The following FERMT3 variants were observed in gnomAD, a reference collection of about 807,000 sequenced individuals.
FERMT3 encodes FERM domain containing kindlin 3.
FERMT3 carries 33 observed loss-of-function variants against 80.8 expected under a neutral mutation model. That is an observed-to-expected ratio of 0.41 (90% confidence interval 0.31 to 0.55). The LOEUF (loss-of-function observed/expected upper bound fraction) is 0.55. Ranked by LOEUF, FERMT3 falls within the 20% of genes least tolerant of loss-of-function variation. The pLI is 0.31. For synonymous variants in FERMT3, 375 were observed against 372.2 expected (o/e 1.01, Z -0.09); for missense variants, 754 against 908.7 (o/e 0.83, Z 2.19).
At chr11:64,208,784 T>A (rs1345482540) in intron 2 of FERMT3, among the ~76,000 whole-genome samples, 1 of 151,976 alleles carries the variant, frequency 6.6e-6, no homozygotes. Context: ...CTGGTGAGGA[T>A]GCTGGGAGCG....
At chr11:64,220,832 A>G in intron 12 of FERMT3, 163 bp downstream of exon 12, 2 of 1,314,900 alleles carry the variant, frequency 1.5e-6, no homozygotes, top group Non-Finnish European at 2.1e-6. Context: ...GGGAGGAGTC[A>G]CGGTCCAGGT....
chr11:64,220,864 T>C, intron 12 of FERMT3, 152 bp from the exon 13 acceptor site: 1 of 1,448,778 alleles, frequency 6.9e-7, no homozygotes, highest in Non-Finnish European at 9.5e-7. Context: ...CCTTGCAGCC[T>C]GGCGCAGTGC....
At chr11:64,216,930 CTTG>C (rs1462936087) in intron 6 of FERMT3, among the ~76,000 whole-genome samples, 1 of 151,400 alleles carries the variant, frequency 6.6e-6, no homozygotes, top group Non-Finnish European at 1.5e-5. Context: ...CTGTTTTATT[CTTG>C]TTGTCTTGGT....
intron 13 of FERMT3, 115 bp downstream of exon 13, chr11:64,221,255 C>T (rs1384276167): frequency 9.4e-7 from 1 of 1,067,744 alleles, no homozygotes; most frequent in African/African-American, 1.6e-5. Flanking sequence ...CAAAGACTCC[C>T]TTCCCTTGTT....
chr11:64,209,462 G>A (rs973732328), intron 2 of FERMT3, among the ~76,000 whole-genome samples: 9 of 152,196 alleles, frequency 5.9e-5, no homozygotes, highest in Non-Finnish European at 1.0e-4. Flanking sequence ...CGAGGCAGGA[G>A]AAGAGGGTCC....
In FERMT3 at chr11:64,210,595, C is replaced by T. The variant is rs78038516; in HGVS notation, c.161-16C>T. On this transcript the variant is annotated splice_polypyrimidine_tract_variant and intron_variant, in intron 2 of 14. Coordinates refer to ENST00000345728, the MANE Select transcript of FERMT3 (RefSeq NM_031471.6). This position sits in a 1 kb window ranked among gnomAD's most constrained non-coding sequence, Gnocchi z 4.3. ...GGGAGGAAGGTTGGACCCAGATGTG[C>T]CCCCGTGCCCCACAGATCGCAAGCA... The T allele has an allele frequency of 1.9e-6, 3 of 1,610,578 alleles. No individual in the cohort carries two copies. Among genetic ancestry groups the T allele is most frequent in the Non-Finnish European group, 1.7e-6 (2 of 1,177,184 alleles).
At chr11:64,209,332 G>A (rs867817438) in intron 2 of FERMT3, among the ~76,000 whole-genome samples, 2 of 152,232 alleles carry the variant, frequency 1.3e-5, no homozygotes, top group African/African-American at 2.4e-5. Context: ...TCAGCTGGCA[G>A]CACATGGGTT....
At chr11:64,215,308 C>G (rs1946526834) in intron 6 of FERMT3, among the ~76,000 whole-genome samples, 1 of 152,090 alleles carries the variant, frequency 6.6e-6, no homozygotes, top group South Asian at 2.1e-4. Context: ...AAGTTGAGTC[C>G]CTTTTCATAA....
chr11:64,216,572 G>A (rs1369761055), intron 6 of FERMT3, among the ~76,000 whole-genome samples: 3 of 148,488 alleles, frequency 2.0e-5, no homozygotes, highest in East Asian at 2.1e-4. Context: ...CAAGGAGGGC[G>A]GACCATGAGG....
At position 64,219,870 on chromosome 11, in the gene FERMT3, A is replaced by T. The variant is rs1448522908; in HGVS notation, c.1080-21A>T. ...GGGAGGGGGTGAGGCGGCCTTTCAC[A>T]AACCCCAGCATCCCACGAAGGCCCC... On this transcript the variant is annotated intron_variant, in intron 9 of 14. Transcript: ENST00000345728. This position sits in a 1 kb window ranked among gnomAD's most constrained non-coding sequence, Gnocchi z 4.0. 6.2e-7 allele frequency: 1 copy of T among 1,613,826 alleles called. No homozygotes were observed. The highest frequency in any genetic ancestry group is 1.1e-5 in the South Asian group (1 of 91,088).
In FERMT3 at chr11:64,219,596, C is replaced by A. The variant is rs1177180183; in HGVS notation, c.967C>A (p.Leu323Met). ...TGGCACAGACCCAGGGCTGGACGAC[C>A]TGGATGTGGCCCTGAGCAACCTGGA... is the stretch of plus-strand genomic sequence containing the variant. ...PAGTDPGLDD[L>M]DVALSNLEVK... The change falls in exon 8 of 15, where the codon CTG becomes ATG. Residue 323 changes from leucine (L) to methionine (M), a missense_variant. Coordinates refer to ENST00000345728, the MANE Select transcript of FERMT3 (RefSeq NM_031471.6). This position sits in a 1 kb window ranked among gnomAD's most constrained non-coding sequence, Gnocchi z 4.0. 6.2e-7 allele frequency: 1 copy of A among 1,612,772 alleles called. No homozygotes were observed. Among genetic ancestry groups the A allele is most frequent in the African/African-American group, 1.3e-5 (1 of 74,902 alleles).
At chr11:64,206,085 A>G (rs930783012), upstream of FERMT3, among the ~76,000 whole-genome samples, 4 of 152,078 alleles carry the variant, frequency 2.6e-5, no homozygotes, top group Non-Finnish European at 2.9e-5. Context: ...GGGGAGGCTC[A>G]TCCAAGTGGA....
At chr11:64,206,375 G>T (rs1195579310), upstream of FERMT3, among the ~76,000 whole-genome samples, 1 of 152,146 alleles carries the variant, frequency 6.6e-6, no homozygotes, top group African/African-American at 2.4e-5. Context: ...CTCTCCCTCC[G>T]GCAGCCCAGT....
chr11:64,206,426 T>A (rs1245832395), upstream of FERMT3, among the ~76,000 whole-genome samples: 1 of 152,192 alleles, frequency 6.6e-6, no homozygotes, highest in Non-Finnish European at 1.5e-5. Flanking sequence ...TGTGACAGGC[T>A]GAGGATGGCA....
At chr11:64,214,117 T>A (rs1438801389) in intron 6 of FERMT3, among the ~76,000 whole-genome samples, 1 of 152,066 alleles carries the variant, frequency 6.6e-6, no homozygotes. Context: ...ACAGAGTAAC[T>A]ATGATTATTT....
At position 64,211,695 on chromosome 11, in the gene FERMT3, A is replaced by G. The variant is rs745361817; in HGVS notation, c.734A>G (p.Asp245Gly). Residue 245 changes from aspartate (D) to glycine (G), a missense_variant, in exon 6 of 15, where the codon GAC becomes GGC. Asp to Gly is a moderately conservative substitution (Grantham distance 94). Coordinates refer to ENST00000345728, the MANE Select transcript of FERMT3 (RefSeq NM_031471.6). This position sits in a 1 kb window ranked among gnomAD's most constrained non-coding sequence, Gnocchi z 4.7. The stretch of plus-strand genomic sequence containing the variant: ...ATGCAGCAGGGCATCAAGGCCGGGG[A>G]CGCACTCTGGCTGCGCTTCAAGTAC... Reference protein sequence around the residue: ...CLMQQGIKAGDALWLRFKYYS... With the variant: ...CLMQQGIKAGGALWLRFKYYS... The G allele has an allele frequency of 6.2e-7, 1 of 1,614,094 alleles. No individual in the cohort carries two copies. Among genetic ancestry groups the G allele is most frequent in the Non-Finnish European group, 8.5e-7 (1 of 1,180,026 alleles).
chr11:64,210,502 G>A lies in FERMT3; in HGVS notation c.161-109G>A, dbSNP rs71454602. 2.7e-5 allele frequency: 31 copies of A among 1,145,246 alleles called. 1 individual carries two copies. In the East Asian group the frequency reaches 7.3e-4, roughly 27 times the overall value. 70.9% of individuals were successfully genotyped at this position (1,145,246 alleles called of 1,614,324 possible). On this transcript the variant is annotated intron_variant, in intron 2 of 14. Transcript: ENST00000345728. This position sits in a 1 kb window ranked among gnomAD's most constrained non-coding sequence, Gnocchi z 4.3. ...CCCAGGCTGCCCCACTCTTGGCTTA[G>A]GCAGGGCAGGGGAGTGGTCGCCCCA...
In FERMT3 at chr11:64,214,906, G is replaced by T. The variant is rs7115588; in HGVS notation, c.786+3159G>T. Among the ~76,000 whole-genome samples the T allele has an allele frequency of 6.6e-3, 1,005 of 151,380 alleles. 10 individuals carry two copies. Among genetic ancestry groups the T allele is most frequent in the African/African-American group, 0.023 (942 of 41,250 alleles). On this transcript the variant is annotated intron_variant, in intron 6 of 14. Transcript: ENST00000345728. ...CAACCTCTGCCTCCTGGGTTCACGCGATTCTCCTGCCTCAGCCTCCCACAT... is the reference window on the plus strand; with the variant it reads ...CAACCTCTGCCTCCTGGGTTCACGCTATTCTCCTGCCTCAGCCTCCCACAT...
At position 64,211,000 on chromosome 11, in the gene FERMT3, TG is replaced by T; in HGVS notation, c.395-48del. 3 of 1,608,226 alleles carry T rather than the reference TG, an allele frequency of 1.9e-6. No homozygotes were observed. In the South Asian group the frequency reaches 3.3e-5, roughly 18 times the overall value. ...CCGCCCCAAGCACCCATGGGTGAGG[TG>T]GGGAGGCTGCAGCAGGACCTAGTCC... On this transcript the variant is annotated intron_variant, in intron 3 of 14. Transcript: ENST00000345728. The surrounding 1 kb of genome is among the most constrained non-coding windows in gnomAD (Gnocchi z 4.3).
Sources: gnomAD v4.1 joint callset for allele counts (sites outside exome capture counted in the v4.1 genomes callset) on GRCh38, gnomAD v4.1.1 for gene constraint, Gnocchi (gnomAD v3.1) non-coding constraint, MANE v1.5 for transcripts, NCBI Gene and HGNC (gene_info 2026-07-23, HGNC 2026-07-21) for gene names.